Variants in FTCDNL1 observed in about 807,000 individuals in gnomAD.
FTCDNL1 encodes formiminotransferase N-terminal subdomain-containing protein.
FTCDNL1 carries 11 observed loss-of-function variants against 5.9 expected under a neutral mutation model. The observed-to-expected ratio is 1.87, with a 90% CI of 1.18 to 3.10. FTCDNL1 has a LOEUF of 3.10. Among genes scored for constraint, FTCDNL1 ranks in the 30% most tolerant of loss-of-function variants. The pLI is 0.00. For missense variants in FTCDNL1, 115 were observed against 65.5 expected (o/e 1.76, Z -2.61); for synonymous variants, 58 against 24.8 (o/e 2.34, Z -3.99).
the FTCDNL1 span, among the ~76,000 whole-genome samples, chr2:199,706,378 A>T: frequency 4.6e-5 from 7 of 152,278 alleles, no homozygotes; most frequent in East Asian, 1.4e-3. Flanking sequence ...GTAGGAGGTT[A>T]TGCTCATGAG....
chr2:199,778,887 T>A (rs1699220244), intron 3 of FTCDNL1, among the ~76,000 whole-genome samples: 1 of 152,210 alleles, frequency 6.6e-6, no homozygotes, highest in Non-Finnish European at 1.5e-5. Flanking sequence ...TAATGCTCTA[T>A]AAAGCGCATG....
At chr2:199,715,912 C>T in the FTCDNL1 span, among the ~76,000 whole-genome samples, 2 of 151,898 alleles carry the variant, frequency 1.3e-5, no homozygotes, top group Non-Finnish European at 2.9e-5. Context: ...GAAAAATGTG[C>T]TGTCTTTACA....
At chr2:199,821,774 CT>C (rs1186793455) in intron 3 of FTCDNL1, among the ~76,000 whole-genome samples, 1 of 152,144 alleles carries the variant, frequency 6.6e-6, no homozygotes, top group African/African-American at 2.4e-5. Flanking sequence ...GGGAAATGTT[CT>C]TTCTCTGAGT....
chr2:199,725,637 C>A, the FTCDNL1 span, among the ~76,000 whole-genome samples: 1 of 152,066 alleles, frequency 6.6e-6, no homozygotes, highest in African/African-American at 2.4e-5. Context: ...TTATCTTTTG[C>A]TTATGAAGCT....
chr2:199,814,765 C>T (rs573629589), intron 4 of FTCDNL1, among the ~76,000 whole-genome samples: 248 of 152,146 alleles, frequency 1.6e-3, no homozygotes, highest in Non-Finnish European at 2.9e-3. Flanking sequence ...AAATAGGCTC[C>T]CTAAAACGAG....
At chr2:199,694,604 C>T in the FTCDNL1 span, among the ~76,000 whole-genome samples, 17,169 of 152,174 alleles carry the variant, frequency 0.11, 1,321 homozygotes, top group Middle Eastern at 0.23. Flanking sequence ...GGCAAGAGGA[C>T]TGCATGAGTC....
intron 3 of FTCDNL1, among the ~76,000 whole-genome samples, chr2:199,786,380 AG>A (rs538010299): frequency 1.1e-3 from 164 of 152,214 alleles, no homozygotes; most frequent in African/African-American, 3.5e-3. Flanking sequence ...CACTTAGCCC[AG>A]GTTGCCACAT....
the FTCDNL1 span, among the ~76,000 whole-genome samples, chr2:199,679,631 T>C: frequency 1.3e-5 from 2 of 152,144 alleles, no homozygotes; most frequent in Non-Finnish European, 1.5e-5. Context: ...GACATCTTTT[T>C]TTTTATTTTA....
the FTCDNL1 span, among the ~76,000 whole-genome samples, chr2:199,678,600 AT>A: frequency 5.9e-5 from 9 of 152,062 alleles, no homozygotes; most frequent in African/African-American, 1.9e-4. Context: ...GTTGTAAAAA[AT>A]ATTTATATTA....
At chr2:199,689,378 C>T in the FTCDNL1 span, among the ~76,000 whole-genome samples, 2 of 152,112 alleles carry the variant, frequency 1.3e-5, no homozygotes, top group Admixed American at 6.5e-5. Context: ...ATAATGACGG[C>T]CTTGAAAGGA....
chr2:199,764,179 C>G (rs1414371417), intron 3 of FTCDNL1, among the ~76,000 whole-genome samples: 2 of 152,196 alleles, frequency 1.3e-5, no homozygotes, highest in Admixed American at 1.3e-4. Context: ...ATGGCACGTA[C>G]TGTGCACTAG....
At chr2:199,827,057 TG>T (rs1310268428) in intron 3 of FTCDNL1, among the ~76,000 whole-genome samples, 2 of 152,206 alleles carry the variant, frequency 1.3e-5, no homozygotes, top group Non-Finnish European at 2.9e-5. Context: ...AGCTGATGTT[TG>T]TATCACCAGA....
At chr2:199,807,645 A>G (rs909723946), downstream of FTCDNL1, among the ~76,000 whole-genome samples, 3 of 152,210 alleles carry the variant, frequency 2.0e-5, no homozygotes, top group South Asian at 6.2e-4. Flanking sequence ...TCAGAAAAAG[A>G]AAATTATTTA....
intron 3 of FTCDNL1, among the ~76,000 whole-genome samples, chr2:199,777,000 GTGTGTAT>G (rs1207316967): frequency 1.5e-5 from 2 of 133,586 alleles, no homozygotes; most frequent in African/African-American, 5.3e-5. Flanking sequence ...GTGTGTGTGT[GTGTGTAT>G]TGAGGCCAGG....
At chr2:199,842,010 G>C (rs1256661545) in intron 3 of FTCDNL1, among the ~76,000 whole-genome samples, 1 of 152,084 alleles carries the variant, frequency 6.6e-6, no homozygotes, top group Non-Finnish European at 1.5e-5. Flanking sequence ...TGTAATCCCA[G>C]CACTTTGGGA....
intron 3 of FTCDNL1, among the ~76,000 whole-genome samples, chr2:199,829,720 C>T (rs1702250012): frequency 6.6e-6 from 1 of 152,102 alleles, no homozygotes; most frequent in Non-Finnish European, 1.5e-5. Context: ...TTTAGGACTA[C>T]CGATATAAAT....
chr2:199,783,080 G>A (rs1699452812), intron 3 of FTCDNL1, among the ~76,000 whole-genome samples: 1 of 152,144 alleles, frequency 6.6e-6, no homozygotes, highest in African/African-American at 2.4e-5. Flanking sequence ...GATGATAATG[G>A]TGCCTGCTCT....
intron 3 of FTCDNL1, among the ~76,000 whole-genome samples, chr2:199,791,928 A>T (rs905324096): frequency 1.3e-5 from 2 of 152,150 alleles, no homozygotes; most frequent in Non-Finnish European, 2.9e-5. Context: ...CACCTTTTAT[A>T]AATTATTTAC....
At chr2:199,743,143 A>G in the FTCDNL1 span, among the ~76,000 whole-genome samples, 7 of 152,306 alleles carry the variant, frequency 4.6e-5, no homozygotes, top group East Asian at 1.4e-3. Context: ...TGTGGTTACC[A>G]TAACCACCAT....
Sources: allele counts gnomAD v4.1 joint callset (sites outside exome capture counted in the v4.1 genomes callset), GRCh38; gene constraint gnomAD v4.1.1; transcripts MANE v1.5; gene names NCBI Gene and HGNC (gene_info 2026-07-23, HGNC 2026-07-21).